The following IFT88 variants were observed in gnomAD, a reference collection of about 807,000 sequenced individuals.
IFT88 encodes the protein intraflagellar transport 88.
In IFT88, 74 loss-of-function variants were observed where a neutral mutation model predicts 119.5. The observed-to-expected ratio is 0.62, with a 90% CI of 0.51 to 0.75. IFT88 has a LOEUF of 0.75. Among genes scored for constraint, IFT88 ranks in the 30% least tolerant of loss-of-function variants. IFT88 has a pLI of 0.00. For missense variants in IFT88, 961 were observed against 977.7 expected, an observed-to-expected ratio of 0.98 and a Z score of 0.23; for synonymous variants, 279 against 316.7, an observed-to-expected ratio of 0.88 and a Z score of 1.26.
At chr13:20,658,912 A>C (rs2053324512) in intron 22 of IFT88, among the ~76,000 whole-genome samples, 2 of 152,212 alleles carry the variant, frequency 1.3e-5, no homozygotes, top group South Asian at 2.1e-4. Context: ...TCACTCTAAG[A>C]ATCAAATGAA....
chr13:20,671,989 TG>T lies in IFT88; in HGVS notation c.2242+953del, dbSNP rs151055310. On this transcript the variant is annotated intron_variant, in intron 24 of 25. Coordinates refer to ENST00000351808, the MANE Select transcript of IFT88 (RefSeq NM_006531.5). ...AACACTGTGCTAAGAGCCAAGGACA[TG>T]GGAACAAATAAGACGTGGTCCCCAT... Among the ~76,000 whole-genome samples, 920 of 152,266 alleles carry T rather than the reference TG, an allele frequency of 6.0e-3. 14 individuals carry two copies. The highest frequency in any genetic ancestry group is 0.021 in the African/African-American group (877 of 41,546).
intron 20 of IFT88, 61 bp downstream of exon 20, chr13:20,645,019 T>C: frequency 1.4e-6 from 1 of 738,674 alleles, no homozygotes; most frequent in Non-Finnish European, 2.4e-6. Flanking sequence ...TTTTAATCCC[T>C]AGAATTAGTA....
chr13:20,683,752 T>C (rs2057582046), intron 24 of IFT88, among the ~76,000 whole-genome samples: 2 of 152,196 alleles, frequency 1.3e-5, no homozygotes, highest in African/African-American at 2.4e-5. Flanking sequence ...ATAAGCTGCT[T>C]TGCCTTGTTT....
intron 11 of IFT88, among the ~76,000 whole-genome samples, 183 bp from the exon 12 acceptor site, chr13:20,601,522 C>T (rs1054396763): frequency 3.3e-5 from 5 of 151,918 alleles, no homozygotes; most frequent in Non-Finnish European, 7.4e-5. Context: ...CAATAATTAT[C>T]GAATCATATA....
chr13:20,624,640 C>G (rs190217736), intron 14 of IFT88, among the ~76,000 whole-genome samples: 130 of 152,194 alleles, frequency 8.5e-4, no homozygotes, highest in African/African-American at 1.9e-3. Flanking sequence ...GATTTTCAAC[C>G]ATGGATCCTT....
intron 3 of IFT88, among the ~76,000 whole-genome samples, chr13:20,588,598 C>A (rs778573760): frequency 6.6e-6 from 1 of 152,262 alleles, no homozygotes; most frequent in East Asian, 1.9e-4. Flanking sequence ...TAAATAAATT[C>A]TTGTTGTACT....
chr13:20,625,700 C>T (rs755148243), intron 14 of IFT88, 50 bp from the exon 15 acceptor site: 2 of 1,268,526 alleles, frequency 1.6e-6, no homozygotes, highest in South Asian at 2.6e-5. Context: ...CCAACAGCAT[C>T]AATATACTAA....
At chr13:20,677,190 A>T (rs952870187) in intron 24 of IFT88, among the ~76,000 whole-genome samples, 2 of 152,150 alleles carry the variant, frequency 1.3e-5, no homozygotes, top group Non-Finnish European at 2.9e-5. Context: ...CCCTCTCCTC[A>T]CTTGAGTATT....
chr13:20,620,866 A>G (rs1304453453), intron 14 of IFT88, among the ~76,000 whole-genome samples: 1 of 152,128 alleles, frequency 6.6e-6, no homozygotes, highest in Non-Finnish European at 1.5e-5. Flanking sequence ...TGCCCTTATA[A>G]AAAGAGACTC....
intron 13 of IFT88, among the ~76,000 whole-genome samples, chr13:20,614,716 T>C (rs7998361): frequency 0.7 from 105,766 of 152,052 alleles, 37,848 homozygotes; most frequent in East Asian, 0.99. Flanking sequence ...GAATCTCTTA[T>C]GTTTTACAAA....
chr13:20,607,522 C>T, intron 13 of IFT88: 1 of 692,954 alleles, frequency 1.4e-6, no homozygotes, highest in Admixed American at 2.0e-5. Flanking sequence ...GGGGAGGCCG[C>T]CACGCTGTGC....
chr13:20,595,759 G>A (rs2041531683), intron 7 of IFT88, among the ~76,000 whole-genome samples: 1 of 152,076 alleles, frequency 6.6e-6, no homozygotes, highest in Non-Finnish European at 1.5e-5. Flanking sequence ...AGTAAATTAG[G>A]CTGGGTGTTG....
chr13:20,667,885 T>G (rs149604135), intron 23 of IFT88, among the ~76,000 whole-genome samples: 13 of 152,318 alleles, frequency 8.5e-5, no homozygotes, highest in Admixed American at 8.5e-4. Context: ...CTATACTTGA[T>G]CTTTATTTTC....
chr13:20,619,816 CCTG>C (rs1470579455), intron 14 of IFT88, among the ~76,000 whole-genome samples: 17 of 152,012 alleles, frequency 1.1e-4, no homozygotes, highest in Non-Finnish European at 2.9e-5. Context: ...TTCCAAAGTT[CCTG>C]TACTTGTTTA....
chr13:20,585,732 T>A (rs1035315515), intron 3 of IFT88, among the ~76,000 whole-genome samples: 3 of 152,192 alleles, frequency 2.0e-5, no homozygotes, highest in African/African-American at 7.2e-5. Flanking sequence ...TAGAAATCAT[T>A]TCCTAGGAGC....
intron 20 of IFT88, among the ~76,000 whole-genome samples, chr13:20,653,065 A>G (rs1189000385): frequency 6.6e-6 from 1 of 152,186 alleles, no homozygotes; most frequent in African/African-American, 2.4e-5. Flanking sequence ...GAAGGGAGGT[A>G]ACAGGTTTTA....
At chr13:20,677,011 A>T (rs1174535402) in intron 24 of IFT88, among the ~76,000 whole-genome samples, 4 of 152,116 alleles carry the variant, frequency 2.6e-5, no homozygotes, top group African/African-American at 7.2e-5. Flanking sequence ...ACAGATAAGC[A>T]TTTTCTCACG....
chr13:20,610,649 A>T (rs546543721), intron 13 of IFT88, among the ~76,000 whole-genome samples: 1 of 151,588 alleles, frequency 6.6e-6, no homozygotes, highest in East Asian at 1.9e-4. Flanking sequence ...ATGAATGTAG[A>T]AGTACCCTAC....
At chr13:20,585,794 A>T (rs1022447861) in intron 3 of IFT88, among the ~76,000 whole-genome samples, 1 of 152,244 alleles carries the variant, frequency 6.6e-6, no homozygotes, top group Non-Finnish European at 1.5e-5. Context: ...TTCACTACAC[A>T]TTCTAAAACC....
Sources: gnomAD v4.1 joint callset for allele counts (sites outside exome capture counted in the v4.1 genomes callset) on GRCh38, gnomAD v4.1.1 for gene constraint, MANE v1.5 for transcripts, NCBI Gene and HGNC (gene_info 2026-07-23, HGNC 2026-07-21) for gene names.